LRRC4C: variants seen among roughly 807,000 people sequenced by gnomAD.
LRRC4C encodes the protein leucine-rich repeat-containing protein 4C.
Under a neutral mutation model 33.6 loss-of-function variants are expected in LRRC4C, and 5 were observed. The ratio of observed to expected loss-of-function variants is 0.15; its 90% confidence interval spans 0.08 to 0.31. The LOEUF is 0.31. Ranked by LOEUF, LRRC4C falls within the 10% of genes least tolerant of loss-of-function variation. The pLI is 1.00. For synonymous variants in LRRC4C, 329 were observed against 302.0 expected, an observed-to-expected ratio of 1.09 and a Z score of -0.93; for missense variants, 560 against 796.7, an observed-to-expected ratio of 0.70 and a Z score of 3.58.
chr11:40,796,669 CAG>C (rs138991220), intron 2 of LRRC4C, among the ~76,000 whole-genome samples: 27,201 of 125,428 alleles, frequency 0.22, 3,934 homozygotes, highest in African/African-American at 0.45. Flanking sequence ...TATTTTGAGA[CAG>C]AGTCTTGTTG....
At chr11:41,445,866 A>ATGTGTGTGTGTGTGTGTG (rs35999139) in intron 1 of LRRC4C, among the ~76,000 whole-genome samples, 109 of 149,838 alleles carry the variant, frequency 7.3e-4, no homozygotes, top group Middle Eastern at 3.4e-3. Context: ...GAGTGACTGC[A>ATGTGTGTGTGTGTGTGTG]TGTGTGTGTG....
intron 5 of LRRC4C, among the ~76,000 whole-genome samples, chr11:40,179,541 T>C (rs1045133247): frequency 3.9e-5 from 6 of 152,288 alleles, no homozygotes; most frequent in Middle Eastern, 3.4e-3. Flanking sequence ...CTTGGCCTCC[T>C]TTGCTTATAA....
chr11:40,506,210 T>G (rs1265258647), intron 3 of LRRC4C, among the ~76,000 whole-genome samples: 2 of 152,160 alleles, frequency 1.3e-5, no homozygotes, highest in Non-Finnish European at 2.9e-5. Context: ...TTAATTCAAT[T>G]TATAATGATG....
intron 2 of LRRC4C, among the ~76,000 whole-genome samples, chr11:40,733,716 C>T (rs551718813): frequency 6.6e-6 from 1 of 152,132 alleles, no homozygotes; most frequent in Admixed American, 6.5e-5. Context: ...AATGTAGTAG[C>T]GACCTTTTAA....
chr11:41,071,060 A>T (rs1399566292), intron 1 of LRRC4C, among the ~76,000 whole-genome samples: 1 of 152,196 alleles, frequency 6.6e-6, no homozygotes. Context: ...ACCATGGAAT[A>T]CTACACATCC....
chr11:40,512,180 C>T lies in LRRC4C; in HGVS notation c.-270+135962G>A, dbSNP rs12272882. 6.9e-3 allele frequency among the ~76,000 whole-genome samples: 1,055 copies of T among 152,102 alleles called. 16 individuals carry two copies. The highest frequency in any genetic ancestry group is 0.024 in the African/African-American group (976 of 41,496). ...TGCATCTTATTTTTCAGTTATCTAT[C>T]GGTATGTAACAAGCAACCACACTTA... On this transcript the variant is annotated intron_variant, in intron 3 of 6. Coordinates refer to ENST00000528697, the MANE Select transcript of LRRC4C (RefSeq NM_001258419.2).
chr11:40,707,958 G>T (rs181652810), intron 2 of LRRC4C, among the ~76,000 whole-genome samples: 6 of 152,278 alleles, frequency 3.9e-5, no homozygotes, highest in East Asian at 3.9e-4. Context: ...ATGTGTCCAA[G>T]AATTCATCCA....
intron 3 of LRRC4C, among the ~76,000 whole-genome samples, chr11:40,596,044 G>C (rs773251390): frequency 4.6e-5 from 7 of 150,822 alleles, no homozygotes; most frequent in Non-Finnish European, 7.4e-5. Flanking sequence ...GTGTAGCACA[G>C]AATCTACACA....
rs192949111 is a variant in LRRC4C at position 40,564,022 on chromosome 11, C to T, written c.-270+84120G>A. On this transcript the variant is annotated intron_variant, in intron 3 of 6. Coordinates refer to ENST00000528697, the MANE Select transcript of LRRC4C (RefSeq NM_001258419.2). ...ATAAGTATGAAAATAGATTACAACC[C>T]AAAGAAGCTGCAGGAATTTGCTAAC... Among the ~76,000 whole-genome samples, 9 of 152,252 alleles carry T rather than the reference C, an allele frequency of 5.9e-5. No individual in the cohort carries two copies. In the East Asian group the frequency reaches 1.5e-3, roughly 26 times the overall value.
In LRRC4C at chr11:41,459,429, A is replaced by G. The variant is rs950934354; in HGVS notation, c.-496+2T>C. On this transcript the variant is annotated splice_donor_variant, in intron 1 of 6. Transcript: ENST00000528697. LOFTEE classifies it low-confidence loss of function (5UTR_SPLICE). ...TGAGATCTGAGGAGTCCCGTGACTT[A>G]CCTTCTTTATGGATCCTCAAAGTTC... 3 of 152,152 alleles carry G rather than the reference A, an allele frequency of 2.0e-5. No individual in the cohort carries two copies. Among genetic ancestry groups the G allele is most frequent in the African/African-American group, 7.2e-5 (3 of 41,424 alleles). 9.4% of individuals were successfully genotyped at this position (152,152 alleles called of 1,614,324 possible).
chr11:40,531,804 G>A (rs1252480726), intron 3 of LRRC4C, among the ~76,000 whole-genome samples: 1 of 151,606 alleles, frequency 6.6e-6, no homozygotes, highest in Non-Finnish European at 1.5e-5. Context: ...TGTTTGTTTG[G>A]TGTAATGCCA....
chr11:40,616,136 G>T (rs184032662), intron 3 of LRRC4C, among the ~76,000 whole-genome samples: 1,562 of 152,104 alleles, frequency 0.01, 29 homozygotes, highest in African/African-American at 0.035. Context: ...AGACATTTAT[G>T]CAGCCAAAAG....
At chr11:40,455,136 G>A (rs923471997) in intron 3 of LRRC4C, among the ~76,000 whole-genome samples, 2 of 152,074 alleles carry the variant, frequency 1.3e-5, no homozygotes, top group Non-Finnish European at 2.9e-5. Flanking sequence ...ATCACACCAG[G>A]TGAAAAATCA....
At chr11:40,528,647 C>T (rs1555091588) in intron 3 of LRRC4C, among the ~76,000 whole-genome samples, 2 of 151,910 alleles carry the variant, frequency 1.3e-5, no homozygotes, top group Non-Finnish European at 2.9e-5. Flanking sequence ...AGTATATACC[C>T]AAATGAACTG....
At chr11:40,999,797 C>T (rs1404261822) in intron 1 of LRRC4C, among the ~76,000 whole-genome samples, 2 of 151,904 alleles carry the variant, frequency 1.3e-5, no homozygotes, top group Admixed American at 1.3e-4. Context: ...TTTGGAAGCA[C>T]AAAATAAGGA....
intron 1 of LRRC4C, among the ~76,000 whole-genome samples, chr11:41,245,167 A>G (rs1948401107): frequency 6.6e-6 from 1 of 152,198 alleles, no homozygotes; most frequent in Admixed American, 6.5e-5. Flanking sequence ...ATTAGCTAAA[A>G]TATATTGTCA....
chr11:41,119,997 C>G (rs1942340933), intron 1 of LRRC4C, among the ~76,000 whole-genome samples: 1 of 152,020 alleles, frequency 6.6e-6, no homozygotes. Context: ...AAACTGTTGT[C>G]AAAACTAGAA....
chr11:40,748,955 T>A (rs1948557874), intron 2 of LRRC4C, among the ~76,000 whole-genome samples: 1 of 151,958 alleles, frequency 6.6e-6, no homozygotes, highest in South Asian at 2.1e-4. Context: ...TATATGTGCA[T>A]CCAAAACCAG....
Position 40,139,700 on chromosome 11 carries a change from A to T in LRRC4C, c.-43+1101T>A, listed in dbSNP as rs549077331. 8.5e-5 allele frequency among the ~76,000 whole-genome samples: 13 copies of T among 152,336 alleles called. 1 individual carries two copies. In the South Asian group the frequency reaches 2.7e-3, roughly 32 times the overall value. On this transcript the variant is annotated intron_variant, in intron 6 of 6. Coordinates refer to ENST00000528697, the MANE Select transcript of LRRC4C (RefSeq NM_001258419.2). ...AGCACCAAAGTGCAGCACAGCTGGA[A>T]AAACAAGCACATTATTGCCCCATAG...
Sources: gnomAD v4.1 joint callset for allele counts (sites outside exome capture counted in the v4.1 genomes callset) on GRCh38, gnomAD v4.1.1 for gene constraint, MANE v1.5 for transcripts, NCBI Gene and HGNC (gene_info 2026-07-23, HGNC 2026-07-21) for gene names.